Variants in XAB2 observed in about 807,000 individuals in gnomAD.
XAB2 encodes the protein XPA binding protein 2.
A neutral mutation model predicts 113.4 loss-of-function variants in XAB2; 57 were observed. The ratio of observed to expected loss-of-function variants is 0.50; its 90% CI spans 0.41 to 0.63. The LOEUF (loss-of-function observed/expected upper bound fraction) is 0.63. XAB2 is among the 20% of genes least tolerant of loss of function. The pLI is 0.00. For synonymous variants in XAB2, 497 were observed against 498.8 expected, an observed-to-expected ratio of 1.00 and a Z score of 0.05; for missense variants, 1,037 against 1,233.3, an observed-to-expected ratio of 0.84 and a Z score of 2.38.
chr19:7,625,510 G>A lies in XAB2; in HGVS notation c.822+370C>T, dbSNP rs527362963. Among the ~76,000 whole-genome samples the A allele has an allele frequency of 3.9e-5, 5 of 129,818 alleles. No homozygotes were observed. Among genetic ancestry groups the A allele is most frequent in the African/African-American group, 6.0e-5 (2 of 33,378 alleles). The allele number at this position is 129,818 out of a possible 152,430, so 85.2% of individuals were successfully genotyped here. A position where few individuals can be genotyped will look rare whatever the true frequency, so the allele number is the denominator to read the frequency against. On this transcript the variant is annotated intron_variant, in intron 6 of 18. Coordinates refer to ENST00000358368, the MANE Select transcript of XAB2 (RefSeq NM_020196.3). The surrounding 1 kb of genome is among the most constrained non-coding windows in gnomAD (Gnocchi z 5.2). ...TTTTTTTTTTTTGAGATGGAGTCTC[G>A]CTCTGCCACCCAGGCTGGACTTCCG...
At chr19:7,622,201 A>G in intron 12 of XAB2, 130 bp downstream of exon 12, 1 of 893,432 alleles carries the variant, frequency 1.1e-6, no homozygotes, top group South Asian at 1.6e-5. Context: ...GAGAAGCTAA[A>G]TCTTTGTTGT....
intron 12 of XAB2, 58 bp from the exon 13 acceptor site, chr19:7,621,355 C>T (rs866973203): frequency 2.6e-5 from 41 of 1,588,958 alleles, no homozygotes; most frequent in Admixed American, 3.4e-5. Context: ...ACCAGGCACC[C>T]GGGATGTCCT....
chr19:7,622,427 G>C lies in XAB2; in HGVS notation c.1521C>G (p.Tyr507Ter). 1 of 1,614,182 alleles carries C rather than the reference G, an allele frequency of 6.2e-7. No individual in the cohort carries two copies. The highest frequency in any genetic ancestry group is 8.5e-7 in the Non-Finnish European group (1 of 1,180,036). Residue 507 changes from tyrosine to a stop codon, truncating the protein, a stop_gained, in exon 12 of 19, where the codon TAC becomes TAG. Transcript: ENST00000358368. LOFTEE classifies it high-confidence loss of function. ...CGATACGCAGGTCCAGGATGCGGTC[G>C]TACACGGCCTTGGTGGACTGCAGGG... Reference protein sequence around the residue: ...LGTFQSTKAVYDRILDLRIAT... With the variant: ...LGTFQSTKAV
At chr19:7,629,372 G>A (rs901988150) in intron 1 of XAB2, 105 bp downstream of exon 1, 16 of 1,388,910 alleles carry the variant, frequency 1.2e-5, no homozygotes, top group Non-Finnish European at 1.5e-5. Context: ...ACCTTGGCCT[G>A]GCAGTTTCGG....
chr19:7,622,502 C>T (rs750692166), intron 11 of XAB2, 28 bp downstream of exon 11: 31 of 1,613,578 alleles, frequency 1.9e-5, no homozygotes, highest in African/African-American at 4.0e-5. Flanking sequence ...TCCGGGGCCC[C>T]GTCCCTCCCC....
chr19:7,619,937 C>T lies in XAB2; in HGVS notation c.2396+9G>A, dbSNP rs1255260649. 1.4e-5 allele frequency: 22 copies of T among 1,610,594 alleles called. No homozygotes were observed. Among genetic ancestry groups the T allele is most frequent in the South Asian group, 6.6e-5 (6 of 91,058 alleles). ...CCCAGTCCTGTCCCGTCCAAGGATC[C>T]GCCCTCACCTCACGAACAGGATCTT... On this transcript the variant is annotated intron_variant, in intron 17 of 18. Coordinates refer to ENST00000358368, the MANE Select transcript of XAB2 (RefSeq NM_020196.3).
rs2031025105 is a variant in XAB2, at chr19:7,621,161, T to C, written c.1754A>G (p.Asp585Gly). 1 of 1,607,792 alleles carries C rather than the reference T, an allele frequency of 6.2e-7. No individual in the cohort carries two copies. Among genetic ancestry groups the C allele is most frequent in the Non-Finnish European group, 8.5e-7 (1 of 1,178,426 alleles). The stretch of plus-strand genomic sequence containing the variant: ...CTTGGCATATTTTGGGGGGCAGCCG[T>C]CCAGAGCCTGTTCAAACAGGTCCCG... ...RARDLFEQAL[D>G]GCPPKYAKTL... Residue 585 changes from aspartate to glycine, a missense_variant, in exon 13 of 19, where the codon GAC becomes GGC. Physicochemically the swap from Asp to Gly is moderately conservative, Grantham distance 94. Transcript: ENST00000358368.
chr19:7,626,320 C>A, intron 4 of XAB2, 50 bp from the exon 5 acceptor site: 9 of 1,586,228 alleles, frequency 5.7e-6, no homozygotes, highest in Non-Finnish European at 7.7e-6. Flanking sequence ...CAGGGCTACG[C>A]CCACCTCCCG....
chr19:7,627,710 C>T lies in XAB2; in HGVS notation c.324+18G>A. 6.2e-7 allele frequency: 1 copy of T among 1,613,356 alleles called. No individual in the cohort carries two copies. Among genetic ancestry groups the T allele is most frequent in the Non-Finnish European group, 8.5e-7 (1 of 1,179,584 alleles). On this transcript the variant is annotated intron_variant, in intron 3 of 18. Coordinates refer to ENST00000358368, the MANE Select transcript of XAB2 (RefSeq NM_020196.3). The surrounding 1 kb of genome is among the most constrained non-coding windows in gnomAD (Gnocchi z 4.5). The stretch of plus-strand genomic sequence containing the variant: ...CTGAGCTCCACTTCCCGATTCATCC[C>T]CTCGCCGAGCCCCAAACCTTGTGCA...
rs560478123 is a variant in XAB2 at position 7,620,975 on chromosome 19, G to A, written c.1842C>T (p.Ala614=). The change falls in exon 14 of 19, where the codon GCC becomes GCT. Residue 614 remains alanine (A), a synonymous_variant. Transcript: ENST00000358368. Reference sequence around the variant, plus strand: ...CGGCCCTGGTGGCACGCTCGTACACGGCCATGGCATGCCGGGCCAGGCCCC... The same window carrying A: ...CGGCCCTGGTGGCACGCTCGTACACAGCCATGGCATGCCGGGCCAGGCCCC... ...EEWGLARHAM[A]VYERATRAVE... 23 of 1,575,934 alleles carry A rather than the reference G, an allele frequency of 1.5e-5. No individual in the cohort carries two copies. The highest frequency in any genetic ancestry group is 1.1e-4 in the African/African-American group (8 of 74,646).
chr19:7,627,992 G>C lies in XAB2; in HGVS notation c.201-141C>G, dbSNP rs1166804723. The C allele has an allele frequency of 2.0e-6, 3 of 1,470,348 alleles. No homozygotes were observed. Among genetic ancestry groups the C allele is most frequent in the Non-Finnish European group, 2.8e-6 (3 of 1,088,804 alleles). 91.1% of individuals were successfully genotyped at this position (1,470,348 alleles called of 1,614,324 possible). A position where few individuals can be genotyped will look rare whatever the true frequency, so the allele number is the denominator to read the frequency against. On this transcript the variant is annotated intron_variant, in intron 2 of 18. Coordinates refer to ENST00000358368, the MANE Select transcript of XAB2 (RefSeq NM_020196.3). The surrounding 1 kb of genome is among the most constrained non-coding windows in gnomAD (Gnocchi z 4.5). ...TCTCAGCAATGACAGGGACAGACTGGGACATCAGAGAAGGTGTGCTGACCC... is the reference window on the plus strand; with the variant it reads ...TCTCAGCAATGACAGGGACAGACTGCGACATCAGAGAAGGTGTGCTGACCC...
chr19:7,621,095 G>GGGCCCCCCCCCCCCCCCCC, intron 13 of XAB2, 40 bp downstream of exon 13: 12 of 1,486,186 alleles, frequency 8.1e-6, no homozygotes, highest in South Asian at 1.2e-5. Flanking sequence ...CAGAAACCCA[G>GGGCCCCCCCCCCCCCCCCC]CCCGCCCGCC....
Position 7,624,558 on chromosome 19 carries a change from G to A in XAB2, c.823-113C>T, listed in dbSNP as rs1028302203. ...CCCTGGGGGCCTTCTGGGTAGTGAC[G>A]CATCCAGCACCTCTGGGTAGTGACC... On this transcript the variant is annotated intron_variant, in intron 6 of 18. Transcript: ENST00000358368. The surrounding 1 kb of genome is among the most constrained non-coding windows in gnomAD (Gnocchi z 4.2). 2 of 1,483,466 alleles carry A rather than the reference G, an allele frequency of 1.3e-6. No individual in the cohort carries two copies. The highest frequency in any genetic ancestry group is 2.8e-5 in the African/African-American group (2 of 72,530). The allele number at this position is 1,483,466 out of a possible 1,614,324, so 91.9% of individuals were successfully genotyped here.
Position 7,622,870 on chromosome 19 carries a change from G to A in XAB2, c.1263C>T (p.Ala421=), listed in dbSNP as rs1357686857. 4.6e-5 allele frequency: 74 copies of A among 1,613,796 alleles called. No homozygotes were observed. Among genetic ancestry groups the A allele is most frequent in the Non-Finnish European group, 6.1e-5 (72 of 1,179,978 alleles). ...CCACCTGCTTGAAGTTCACCTTGGT[G>A]GCCTTCTCCAGGATGACACGGGCCT... is the stretch of plus-strand genomic sequence containing the variant. ...LDDARVILEK[A]TKVNFKQVDD... The change falls in exon 10 of 19, where the codon GCC becomes GCT. Residue 421 remains alanine, a synonymous_variant. Coordinates refer to ENST00000358368, the MANE Select transcript of XAB2 (RefSeq NM_020196.3).
In XAB2 at chr19:7,627,024, A is replaced by G. The variant is rs2031152682; in HGVS notation, c.522+219T>C. Among the ~76,000 whole-genome samples, 1 of 152,220 alleles carries G rather than the reference A, an allele frequency of 6.6e-6. No homozygotes were observed. Among genetic ancestry groups the G allele is most frequent in the Non-Finnish European group, 1.5e-5 (1 of 68,044 alleles). On this transcript the variant is annotated intron_variant, in intron 4 of 18. Coordinates refer to ENST00000358368, the MANE Select transcript of XAB2 (RefSeq NM_020196.3). The surrounding 1 kb of genome is among the most constrained non-coding windows in gnomAD (Gnocchi z 4.5). ...TGCAGGCAGGGAGTGTCTTAGTCAC[A>G]CTGTCCTCAGCACCCATCGCTATGC...
At position 7,622,556 on chromosome 19, in the gene XAB2, G is replaced by C. The variant is rs1263562058; in HGVS notation, c.1477C>G (p.Leu493Val). 1.9e-6 allele frequency: 3 copies of C among 1,613,726 alleles called. No individual in the cohort carries two copies. Among genetic ancestry groups the C allele is most frequent in the Non-Finnish European group, 2.5e-6 (3 of 1,180,036 alleles). ...SLKVWSMLAD[L>V]EESLGTFQST... The stretch of plus-strand genomic sequence containing the variant: ...TGGAAGGTGCCGAGGCTCTCCTCCA[G>C]GTCGGCGAGCATGGACCAGACCTTC... Residue 493 changes from leucine to valine, a missense_variant, in exon 11 of 19, where the codon CTG (leucine) becomes GTG (valine). Transcript: ENST00000358368.
chr19:7,621,643 C>T (rs890002690), intron 12 of XAB2: 1 of 337,386 alleles, frequency 3.0e-6, no homozygotes, highest in African/African-American at 2.1e-5. Context: ...CAGGCAGTAG[C>T]ACGCGTATGC....
At position 7,619,629 on chromosome 19, in the gene XAB2, T is replaced by C. The variant is rs1258531849; in HGVS notation, c.2525A>G (p.Gln842Arg). Reference protein sequence around the residue: ...LEPNEVRLEQQSVPAAVFGSL... With the variant: ...LEPNEVRLEQRSVPAAVFGSL... ...CCCAAACACTGCGGCTGGCACGCTC[T>C]GCTGCTCCAGCCGAACCTCTGTGGG... is the stretch of plus-strand genomic sequence containing the variant. Residue 842 changes from glutamine to arginine, a missense_variant, in exon 19 of 19, where the codon CAG (glutamine) becomes CGG (arginine). By Grantham distance (43) the Gln-to-Arg change is conservative (BLOSUM62 1). Coordinates refer to ENST00000358368, the MANE Select transcript of XAB2 (RefSeq NM_020196.3). 3 of 1,603,984 alleles carry C rather than the reference T, an allele frequency of 1.9e-6. No individual in the cohort carries two copies. Among genetic ancestry groups the C allele is most frequent in the Non-Finnish European group, 2.6e-6 (3 of 1,174,826 alleles).
intron 13 of XAB2, 26 bp downstream of exon 13, chr19:7,621,109 C>T (rs750978283): frequency 1.3e-6 from 2 of 1,540,386 alleles, no homozygotes; most frequent in Non-Finnish European, 1.8e-6. Context: ...GCCCGCCACC[C>T]CCCCCATGCC....
Sources: allele counts gnomAD v4.1 joint callset (sites outside exome capture counted in the v4.1 genomes callset), GRCh38; gene constraint gnomAD v4.1.1; non-coding constraint Gnocchi (gnomAD v3.1); transcripts MANE v1.5; gene names NCBI Gene and HGNC (gene_info 2026-07-23, HGNC 2026-07-21).